The following ALK variants were observed in gnomAD, a reference collection of about 807,000 sequenced individuals.
The protein encoded by ALK is ALK tyrosine kinase receptor.
Under a neutral mutation model 163.1 loss-of-function variants are expected in ALK, and 74 were observed. The ratio of observed to expected loss-of-function variants is 0.45; its 90% CI spans 0.38 to 0.55. The LOEUF is 0.55. ALK is among the 20% of genes least tolerant of loss of function. ALK has a pLI of 0.00. For synonymous variants in ALK, 960 were observed against 843.2 expected (o/e 1.14, Z -2.40); for missense variants, 2,063 against 2,105.3 (o/e 0.98, Z 0.39).
chr2:29,658,793 T>A (rs1677265656), intron 3 of ALK, among the ~76,000 whole-genome samples: 1 of 152,196 alleles, frequency 6.6e-6, no homozygotes, highest in Non-Finnish European at 1.5e-5. Flanking sequence ...TACACATATA[T>A]AATATTTATT....
intron 3 of ALK, among the ~76,000 whole-genome samples, chr2:29,547,447 A>G (rs1558378596): frequency 1.3e-5 from 2 of 152,102 alleles, no homozygotes; most frequent in African/African-American, 2.4e-5. Flanking sequence ...AATACAAAAG[A>G]TTAGCCGGGC....
intron 6 of ALK, among the ~76,000 whole-genome samples, chr2:29,323,571 G>A (rs563329666): frequency 6.6e-6 from 1 of 152,314 alleles, no homozygotes; most frequent in African/African-American, 2.4e-5. Flanking sequence ...GACAATTGAT[G>A]TGGCAATTAA....
At chr2:29,548,830 G>A (rs1028039897) in intron 3 of ALK, among the ~76,000 whole-genome samples, 1 of 152,116 alleles carries the variant, frequency 6.6e-6, no homozygotes, top group African/African-American at 2.4e-5. Flanking sequence ...TTACCTTGGG[G>A]GGGATGTTTT....
At chr2:29,232,472 A>T (rs781148288) in intron 14 of ALK, 24 bp from the exon 15 acceptor site, 1 of 1,614,112 alleles carries the variant, frequency 6.2e-7, no homozygotes, top group Non-Finnish European at 8.5e-7. Context: ...ACATTCAGAC[A>T]TTGAGAAACC....
chr2:29,470,697 T>C (rs1193311553), intron 4 of ALK, among the ~76,000 whole-genome samples: 1 of 152,098 alleles, frequency 6.6e-6, no homozygotes, highest in Non-Finnish European at 1.5e-5. Context: ...TTTTTTTTTT[T>C]TTTGCCAGCA....
intron 1 of ALK, among the ~76,000 whole-genome samples, chr2:29,891,949 G>C (rs1308962136): frequency 6.6e-6 from 1 of 152,168 alleles, no homozygotes; most frequent in Admixed American, 6.5e-5. Flanking sequence ...GTAAATGGTG[G>C]CTTGACTGAG....
chr2:29,858,228 C>G (rs370888981), intron 1 of ALK, among the ~76,000 whole-genome samples: 81 of 152,306 alleles, frequency 5.3e-4, no homozygotes, highest in African/African-American at 1.8e-3. Context: ...GCCTTAATCC[C>G]TAACACCCAG....
chr2:29,572,215 T>C (rs999707108), intron 3 of ALK, among the ~76,000 whole-genome samples: 1 of 152,230 alleles, frequency 6.6e-6, no homozygotes, highest in Admixed American at 6.5e-5. Context: ...GATTTGTTTA[T>C]CCTGAATTAG....
chr2:29,772,053 G>C (rs1681044423), intron 1 of ALK, among the ~76,000 whole-genome samples: 1 of 152,174 alleles, frequency 6.6e-6, no homozygotes, highest in Admixed American at 6.5e-5. Flanking sequence ...CCCGAGATGA[G>C]GCAGATGGCA....
At chr2:29,267,282 G>C (rs970127538) in intron 11 of ALK, among the ~76,000 whole-genome samples, 2 of 152,086 alleles carry the variant, frequency 1.3e-5, no homozygotes, top group African/African-American at 4.8e-5. Context: ...TTTCAGATGA[G>C]ACCCCAGTCC....
chr2:29,428,433 T>C (rs1049052583), intron 4 of ALK, among the ~76,000 whole-genome samples: 1 of 151,762 alleles, frequency 6.6e-6, no homozygotes, highest in Non-Finnish European at 1.5e-5. Context: ...AGAGGGGACA[T>C]TACTATCAAA....
chr2:29,413,352 C>CTT (rs58893508), intron 4 of ALK, among the ~76,000 whole-genome samples: 2 of 145,474 alleles, frequency 1.4e-5, no homozygotes, highest in African/African-American at 5.0e-5. Flanking sequence ...TACTTGTTAT[C>CTT]TTTTTTTTTT....
At chr2:29,729,759 C>T (rs1427964042) in intron 1 of ALK, among the ~76,000 whole-genome samples, 1 of 152,172 alleles carries the variant, frequency 6.6e-6, no homozygotes, top group African/African-American at 2.4e-5. Flanking sequence ...TGCAGCACAT[C>T]TTGAGTGCAT....
At chr2:29,300,647 A>C (rs1267138886) in intron 8 of ALK, among the ~76,000 whole-genome samples, 1 of 152,144 alleles carries the variant, frequency 6.6e-6, no homozygotes, top group Non-Finnish European at 1.5e-5. Context: ...TGGATCTACA[A>C]AGGAACCCCA....
chr2:29,740,207 A>G (rs1279332370), intron 1 of ALK, among the ~76,000 whole-genome samples: 1 of 152,128 alleles, frequency 6.6e-6, no homozygotes, highest in African/African-American at 2.4e-5. Flanking sequence ...CTTGACTATT[A>G]TGCTCCACAA....
At chr2:29,575,933 G>A (rs1004039676) in intron 3 of ALK, among the ~76,000 whole-genome samples, 6 of 152,180 alleles carry the variant, frequency 3.9e-5, no homozygotes, top group African/African-American at 1.4e-4. Flanking sequence ...GAACACCAGA[G>A]GTTGATGCAG....
intron 3 of ALK, among the ~76,000 whole-genome samples, chr2:29,585,575 G>A (rs959371203): frequency 6.6e-6 from 1 of 152,050 alleles, no homozygotes; most frequent in Non-Finnish European, 1.5e-5. Context: ...TGATCCACCT[G>A]CCTCGGCCTC....
rs145780832 is a variant in ALK at position 29,275,129 on chromosome 2, G to T, written c.2011C>A (p.Pro671Thr). 3 of 1,614,012 alleles carry T rather than the reference G, an allele frequency of 1.9e-6. No individual in the cohort carries two copies. The Admixed American group carries it at 5.0e-5, about 27-fold the overall frequency. Residue 671 changes from proline to threonine, a missense_variant, in exon 11 of 29, where the codon CCA becomes ACA. Around this residue, in one of 5 missense-constraint regions of ALK, gnomAD observed 987 missense variants for 939.5 expected, o/e 1.05. Transcript: ENST00000389048. ...GGGTCAAAGATGGGGGTCTGTCTTG[G>T]TGAATTTTCCCCGGGTTTCAGCTCC... Reference protein sequence around the residue: ...NKELKPGENSPRQTPIFDPTV... With the variant: ...NKELKPGENSTRQTPIFDPTV...
intron 4 of ALK, among the ~76,000 whole-genome samples, chr2:29,420,128 G>T (rs186500338): frequency 7.4e-6 from 1 of 135,646 alleles, no homozygotes; most frequent in Admixed American, 8.0e-5. Flanking sequence ...CTGCACTCCA[G>T]CCTGGGTGAC....
Sources: allele counts gnomAD v4.1 joint callset (sites outside exome capture counted in the v4.1 genomes callset), GRCh38; gene constraint gnomAD v4.1.1; regional missense constraint gnomAD v4.1.1; transcripts MANE v1.5; gene names NCBI Gene and HGNC (gene_info 2026-07-23, HGNC 2026-07-21).